Variants in PDS5A observed in about 807,000 individuals in gnomAD.
The protein encoded by PDS5A is PDS5 cohesin associated factor A.
In PDS5A, 42 loss-of-function variants were observed where a neutral mutation model predicts 167.1. The observed-to-expected ratio is 0.25, with a 90% CI of 0.20 to 0.33. PDS5A has a LOEUF of 0.33. PDS5A is among the 10% of genes least tolerant of loss of function. PDS5A has a pLI of 1.00. For synonymous variants in PDS5A, 553 were observed against 554.6 expected (o/e 1.00, Z 0.04); for missense variants, 1,033 against 1,605.9 (o/e 0.64, Z 6.10).
rs534209628 is a variant in PDS5A, at chr4:39,977,577, G to GCCGCCGC, written c.-162_-161insGCGGCGG. ...CGCGGGTCCCGCCGCCGCCGCCGCCGCCGCCCGCCCGCCCGGGAGCGGCGC... is the reference window on the plus strand; with the variant it reads ...CGCGGGTCCCGCCGCCGCCGCCGCCGCCGCCGCCCGCCCGCCCGCCCGGGAGCGGCGC... On this transcript the variant is annotated 5_prime_UTR_variant, in exon 1 of 33. Transcript: ENST00000303538. The surrounding 1 kb of genome is among the most constrained non-coding windows in gnomAD (Gnocchi z 4.2). The GCCGCCGC allele has an allele frequency of 1.3e-3, 211 of 162,024 alleles. No homozygotes were observed. The highest frequency in any genetic ancestry group is 4.9e-3 in the East Asian group (27 of 5,492). The allele number at this position is 162,024 out of a possible 1,614,324, so 10.0% of individuals were successfully genotyped here. A position where few individuals can be genotyped will look rare whatever the true frequency, so the allele number is the denominator to read the frequency against.
intron 2 of PDS5A, chr4:39,973,739 C>A: frequency 7.8e-7 from 1 of 1,287,002 alleles, no homozygotes; most frequent in Non-Finnish European, 1.1e-6. Flanking sequence ...CAGAGAATGG[C>A]AAGTGTACGA....
intron 31 of PDS5A, among the ~76,000 whole-genome samples, chr4:39,841,698 G>A (rs1717035200): frequency 6.6e-6 from 1 of 152,106 alleles, no homozygotes; most frequent in Non-Finnish European, 1.5e-5. Context: ...TTTTAGTAGA[G>A]ATGATTACAG....
chr4:39,893,582 ATT>A (rs1197390899), intron 16 of PDS5A, among the ~76,000 whole-genome samples: 1 of 152,196 alleles, frequency 6.6e-6, no homozygotes, highest in Non-Finnish European at 1.5e-5. Flanking sequence ...GAGAAACTAA[ATT>A]TTACATTTGC....
intron 16 of PDS5A, among the ~76,000 whole-genome samples, chr4:39,895,413 A>C (rs1346976783): frequency 6.6e-6 from 1 of 152,136 alleles, no homozygotes; most frequent in Non-Finnish European, 1.5e-5. Flanking sequence ...TAAAAATATA[A>C]AAGATAAAAA....
chr4:39,837,633 C>A, intron 32 of PDS5A: 1 of 473,456 alleles, frequency 2.1e-6, no homozygotes, highest in Non-Finnish European at 3.7e-6. Flanking sequence ...ATACCATATC[C>A]TAAATAAAAA....
chr4:39,900,611 C>T (rs1357221752), intron 13 of PDS5A, 104 bp from the exon 14 acceptor site: 24 of 697,604 alleles, frequency 3.4e-5, no homozygotes, highest in Non-Finnish European at 4.3e-5. Flanking sequence ...CATTCTTCTA[C>T]ATCTACCTAA....
At position 39,831,875 on chromosome 4, in the gene PDS5A, C is replaced by CAAAAAAAAAAAAAAAAA. The variant is rs58913167; in HGVS notation, c.4010+5964_4010+5980dup. On this transcript the variant is annotated intron_variant, in intron 32 of 32. Coordinates refer to ENST00000303538, the MANE Select transcript of PDS5A (RefSeq NM_001100399.2). ...TAGGCAACAAGAGCGAAACTCGTCT[C>CAAAAAAAAAAAAAAAAA]AAAAAAAAAAAAAAAAAAAAAAAAA... 5.4e-4 allele frequency among the ~76,000 whole-genome samples: 14 copies of CAAAAAAAAAAAAAAAAA among 25,938 alleles called. 1 individual carries two copies. Among genetic ancestry groups the CAAAAAAAAAAAAAAAAA allele is most frequent in the East Asian group, 2.3e-3 (2 of 860 alleles). The allele number at this position is 25,938 out of a possible 152,430, so 17.0% of individuals were successfully genotyped here.
At chr4:39,829,864 T>C (rs1715671003) in intron 32 of PDS5A, among the ~76,000 whole-genome samples, 1 of 135,862 alleles carries the variant, frequency 7.4e-6, no homozygotes, top group Non-Finnish European at 1.5e-5. Context: ...GGCAGGAGAA[T>C]GGCGTGAGCC....
intron 6 of PDS5A, among the ~76,000 whole-genome samples, chr4:39,921,378 G>C (rs568603819): frequency 6.6e-6 from 1 of 152,178 alleles, no homozygotes; most frequent in African/African-American, 2.4e-5. Context: ...CAAAGGATAA[G>C]ATTTGCTTAA....
intron 31 of PDS5A, among the ~76,000 whole-genome samples, chr4:39,839,220 A>G (rs999339079): frequency 6.6e-6 from 1 of 152,006 alleles, no homozygotes; most frequent in African/African-American, 2.4e-5. Flanking sequence ...GAATCCACTG[A>G]CATGCTGTGT....
chr4:39,948,230 GA>G (rs1442420579), intron 2 of PDS5A, among the ~76,000 whole-genome samples: 3 of 112,360 alleles, frequency 2.7e-5, no homozygotes, highest in Non-Finnish European at 5.7e-5. Flanking sequence ...AAAAAAAAAA[GA>G]AAGAAAGAAA....
intron 32 of PDS5A, among the ~76,000 whole-genome samples, chr4:39,834,669 C>T (rs529754304): frequency 2.6e-5 from 4 of 152,294 alleles, no homozygotes; most frequent in Non-Finnish European, 5.9e-5. Flanking sequence ...GACTAAATGG[C>T]TTCTATCATT....
At chr4:39,881,105 G>A (rs1397994638) in intron 17 of PDS5A, among the ~76,000 whole-genome samples, 3 of 151,630 alleles carry the variant, frequency 2.0e-5, no homozygotes, top group Non-Finnish European at 4.4e-5. Context: ...GTCCTCCAAT[G>A]CCATTCATAT....
intron 2 of PDS5A, among the ~76,000 whole-genome samples, chr4:39,954,697 A>G (rs796129277): frequency 9.4e-4 from 131 of 139,102 alleles, no homozygotes; most frequent in African/African-American, 3.6e-3. Flanking sequence ...AAAAAAAAAA[A>G]CAGAAACAGA....
chr4:39,847,381 T>C (rs1397378656), intron 28 of PDS5A: 3 of 152,216 alleles, frequency 2.0e-5, no homozygotes, highest in South Asian at 2.1e-4. Context: ...TGGAGGTGGG[T>C]TGATCACTTG....
intron 2 of PDS5A, among the ~76,000 whole-genome samples, chr4:39,930,251 T>G (rs1578765720): frequency 8.6e-5 from 10 of 115,636 alleles, no homozygotes; most frequent in East Asian, 3.2e-4. Flanking sequence ...AAAAAAGTTT[T>G]TTTGTTTTTT....
chr4:39,879,820 A>G lies in PDS5A; in HGVS notation c.1900T>C (p.Leu634=), dbSNP rs1034110855. 1.2e-5 allele frequency: 20 copies of G among 1,600,300 alleles called. No individual in the cohort carries two copies. Among genetic ancestry groups the G allele is most frequent in the Non-Finnish European group, 1.7e-5 (20 of 1,167,712 alleles). Residue 634 remains leucine (L), a synonymous_variant, in exon 18 of 33, where the codon TTG becomes CTG. Transcript: ENST00000303538. ...GTCCCCTCTATTGACTTATTCATCAATTTCACTAGTGCACTATAAAAAGAA... is the reference window on the plus strand; with the variant it reads ...GTCCCCTCTATTGACTTATTCATCAGTTTCACTAGTGCACTATAAAAAGAA... ...DSEAISALVK[L]MNKSIEGTAD...
intron 9 of PDS5A, among the ~76,000 whole-genome samples, chr4:39,913,211 C>A (rs575601579): frequency 2.2e-4 from 34 of 151,880 alleles, no homozygotes; most frequent in Non-Finnish European, 3.2e-4. Flanking sequence ...CAGCCTCTTG[C>A]GTAGTTGCGG....
At chr4:39,872,767 G>A (rs1720160309) in intron 21 of PDS5A, 3 of 328,996 alleles carry the variant, frequency 9.1e-6, no homozygotes, top group Admixed American at 4.8e-5. Flanking sequence ...CACCAATCCC[G>A]TGTTCTAATT....
Sources: allele counts gnomAD v4.1 joint callset (sites outside exome capture counted in the v4.1 genomes callset), GRCh38; gene constraint gnomAD v4.1.1; non-coding constraint Gnocchi (gnomAD v3.1); transcripts MANE v1.5; gene names NCBI Gene and HGNC (gene_info 2026-07-23, HGNC 2026-07-21).